Variants in SLMAP observed in about 807,000 individuals in gnomAD.
SLMAP encodes sarcolemma associated protein.
SLMAP carries 44 observed loss-of-function variants against 128.8 expected under a neutral mutation model. That is an observed-to-expected ratio of 0.34 (90% CI 0.27 to 0.44). SLMAP has a LOEUF of 0.44. Among genes scored for constraint, SLMAP ranks in the 20% least tolerant of loss-of-function variants. SLMAP has a pLI of 1.00. For synonymous variants in SLMAP, 327 were observed against 348.8 expected (o/e 0.94, Z 0.70); for missense variants, 787 against 985.3 (o/e 0.80, Z 2.69).
chr3:57,850,236 A>AT (rs952135089), intron 6 of SLMAP, among the ~76,000 whole-genome samples: 3 of 152,158 alleles, frequency 2.0e-5, no homozygotes, highest in African/African-American at 7.2e-5. Flanking sequence ...CAAATATAGG[A>AT]TAAAAAAATG....
chr3:57,918,185 T>C, intron 22 of SLMAP: 1 of 152,172 alleles, frequency 6.6e-6, no homozygotes, highest in Non-Finnish European at 1.5e-5. Context: ...GGAACACAAA[T>C]TTTGTGCCAA....
chr3:57,762,934 C>T (rs1341217658), intron 2 of SLMAP, among the ~76,000 whole-genome samples: 7 of 151,978 alleles, frequency 4.6e-5, no homozygotes, highest in Non-Finnish European at 1.0e-4. Flanking sequence ...CATTTGGCCA[C>T]GCTGGTCATG....
At chr3:57,803,148 C>G (rs902648445) in intron 2 of SLMAP, among the ~76,000 whole-genome samples, 1 of 152,026 alleles carries the variant, frequency 6.6e-6, no homozygotes, top group South Asian at 2.1e-4. Flanking sequence ...TCTAAATAAA[C>G]ATTGAAAACT....
intron 2 of SLMAP, among the ~76,000 whole-genome samples, chr3:57,811,971 A>G (rs2091055400): frequency 6.6e-6 from 1 of 152,134 alleles, no homozygotes; most frequent in African/African-American, 2.4e-5. Context: ...TATTCTGGAT[A>G]CCAATCCCTT....
At chr3:57,855,710 T>G (rs2094736007) in intron 6 of SLMAP, among the ~76,000 whole-genome samples, 1 of 73,158 alleles carries the variant, frequency 1.4e-5, no homozygotes, top group Admixed American at 1.5e-4. Flanking sequence ...GCCCCATCTG[T>G]TAAAAAAAAA....
chr3:57,791,748 T>C (rs1250981836), intron 2 of SLMAP, among the ~76,000 whole-genome samples: 1 of 152,196 alleles, frequency 6.6e-6, no homozygotes, highest in Non-Finnish European at 1.5e-5. Flanking sequence ...TTTTAATGAA[T>C]AGTAGAAATC....
At chr3:57,793,786 G>A (rs1422571573) in intron 2 of SLMAP, among the ~76,000 whole-genome samples, 2 of 151,832 alleles carry the variant, frequency 1.3e-5, no homozygotes, top group Non-Finnish European at 2.9e-5. Context: ...TAAAGCTGGT[G>A]CGGTGACTCA....
Position 57,913,332 on chromosome 3 carries a change from A to G in SLMAP, c.2138+57A>G, listed in dbSNP as rs1036089230. 109 of 729,824 alleles carry G rather than the reference A, an allele frequency of 1.5e-4. 1 individual carries two copies. The highest frequency in any genetic ancestry group is 2.4e-4 in the Non-Finnish European group (105 of 446,660). The allele number at this position is 729,824 out of a possible 1,614,324, so 45.2% of individuals were successfully genotyped here. A position where few individuals can be genotyped will look rare whatever the true frequency, so the allele number is the denominator to read the frequency against. ...AAATATTTCTTTATCTTAAATTTTC[A>G]TCTAAATTAAATTTAATTTTAATAC... On this transcript the variant is annotated intron_variant, in intron 21 of 24. Transcript: ENST00000671191.
chr3:57,906,300 C>CTTTTTTTTCTTTTTTTTTTTTTTTTT (rs2096541411), intron 17 of SLMAP, among the ~76,000 whole-genome samples: 4 of 71,286 alleles, frequency 5.6e-5, no homozygotes, highest in Non-Finnish European at 5.6e-5. Flanking sequence ...AAATTTTTTT[C>CTTTTTTTTCTTTTTTTTTTTTTTTTT]TTTTTTTTTC....
chr3:57,909,841 A>G (rs1429116359), intron 19 of SLMAP, among the ~76,000 whole-genome samples: 1 of 151,150 alleles, frequency 6.6e-6, no homozygotes, highest in East Asian at 1.9e-4. Flanking sequence ...CAAACTCCCA[A>G]CCTCAGGTGA....
intron 2 of SLMAP, among the ~76,000 whole-genome samples, chr3:57,783,308 G>C (rs143914075): frequency 1.6e-4 from 25 of 152,286 alleles, no homozygotes; most frequent in African/African-American, 5.1e-4. Flanking sequence ...GATAGTAAAG[G>C]CCATTCCGAT....
chr3:57,882,770 T>G (rs755607093), intron 14 of SLMAP, among the ~76,000 whole-genome samples: 24 of 152,206 alleles, frequency 1.6e-4, no homozygotes, highest in Admixed American at 6.6e-4. Context: ...TCAGATTTTT[T>G]TCTAAGGGTG....
intron 2 of SLMAP, among the ~76,000 whole-genome samples, chr3:57,810,406 A>T (rs1291348687): frequency 6.6e-6 from 1 of 152,132 alleles, no homozygotes; most frequent in East Asian, 1.9e-4. Context: ...AGCAAAACTC[A>T]GGCAAGGGCA....
At chr3:57,802,670 T>TGTTTTTGAG (rs1426701871) in intron 2 of SLMAP, among the ~76,000 whole-genome samples, 1 of 152,250 alleles carries the variant, frequency 6.6e-6, no homozygotes, top group Non-Finnish European at 1.5e-5. Flanking sequence ...CTTAGCATTA[T>TGTTTTTGAG]GTTTTTGAGG....
chr3:57,888,068 A>G (rs1035208379), intron 14 of SLMAP, among the ~76,000 whole-genome samples: 1 of 152,178 alleles, frequency 6.6e-6, no homozygotes, highest in African/African-American at 2.4e-5. Flanking sequence ...ACCCCTTTTC[A>G]GGAAATTATA....
chr3:57,896,764 C>G, intron 16 of SLMAP, 109 bp from the exon 17 acceptor site: 1 of 1,402,678 alleles, frequency 7.1e-7, no homozygotes, highest in Non-Finnish European at 9.6e-7. Flanking sequence ...TTTCAACTAC[C>G]CGAATATAAT....
chr3:57,813,288 G>A (rs2091322863), intron 2 of SLMAP, among the ~76,000 whole-genome samples: 1 of 152,020 alleles, frequency 6.6e-6, no homozygotes, highest in African/African-American at 2.4e-5. Context: ...TAGAGATGGG[G>A]TTTCACCATG....
chr3:57,896,968 G>A, intron 17 of SLMAP, 36 bp downstream of exon 17: 1 of 1,610,700 alleles, frequency 6.2e-7, no homozygotes, highest in Non-Finnish European at 8.5e-7. Flanking sequence ...CGTAAACCAG[G>A]GTATCAAATC....
chr3:57,856,423 T>A (rs963801097), intron 6 of SLMAP, among the ~76,000 whole-genome samples: 3 of 152,172 alleles, frequency 2.0e-5, no homozygotes, highest in East Asian at 1.9e-4. Flanking sequence ...TTATTAAAAA[T>A]TTTTTAAACT....
Sources: allele counts gnomAD v4.1 joint callset (sites outside exome capture counted in the v4.1 genomes callset), GRCh38; gene constraint gnomAD v4.1.1; transcripts MANE v1.5; gene names NCBI Gene and HGNC (gene_info 2026-07-23, HGNC 2026-07-21).